BPIFB1: variants seen among roughly 807,000 people sequenced by gnomAD.
The protein encoded by BPIFB1 is BPI fold-containing family B member 1.
In BPIFB1, 34 loss-of-function variants were observed where a neutral mutation model predicts 55.1. The ratio of observed to expected loss-of-function variants is 0.62; its 90% CI spans 0.47 to 0.82. The LOEUF (loss-of-function observed/expected upper bound fraction) is 0.82, where lower values mean the gene tolerates loss of function less well. BPIFB1 is among the 40% of genes least tolerant of loss of function. The pLI is 0.00. For synonymous variants in BPIFB1, 236 were observed against 245.3 expected, an observed-to-expected ratio of 0.96 and a Z score of 0.35; for missense variants, 532 against 593.1, an observed-to-expected ratio of 0.90 and a Z score of 1.07.
intron 6 of BPIFB1, among the ~76,000 whole-genome samples, chr20:33,295,234 A>T (rs1425141515): frequency 2.0e-5 from 3 of 150,898 alleles, no homozygotes; most frequent in African/African-American, 7.3e-5. Context: ...AAAATTAAAA[A>T]TAAATAAATA....
At chr20:33,304,252 G>A (rs575539067) in intron 12 of BPIFB1, among the ~76,000 whole-genome samples, 13 of 152,260 alleles carry the variant, frequency 8.5e-5, no homozygotes, top group South Asian at 4.1e-4. Context: ...CCCTAGCCGC[G>A]GCCAGCCCAC....
rs773218594 is a variant in BPIFB1 at position 33,309,769 on chromosome 20, G to A, written c.*2G>A. On this transcript the variant is annotated 3_prime_UTR_variant, in exon 16 of 16. Coordinates refer to ENST00000253354, the MANE Select transcript of BPIFB1 (RefSeq NM_033197.3). The surrounding 1 kb of genome is among the most constrained non-coding windows in gnomAD (Gnocchi z 4.4). ...CCCAGCTCTCCTGTCTCCCAGTGAA[G>A]ACTTGGATGGCAGCCATCAGGGAAG... The A allele has an allele frequency of 1.2e-5, 19 of 1,613,728 alleles. No individual in the cohort carries two copies. The Admixed American group carries it at 3.0e-4, about 25-fold the overall frequency.
chr20:33,299,261 C>T (rs1243299308), intron 7 of BPIFB1: 1 of 441,482 alleles, frequency 2.3e-6, no homozygotes, highest in East Asian at 7.2e-5. Context: ...CCAGCACTCC[C>T]CATCCTCGGC....
intron 6 of BPIFB1, among the ~76,000 whole-genome samples, chr20:33,294,241 G>A (rs1980562509): frequency 6.6e-6 from 1 of 152,148 alleles, no homozygotes; most frequent in African/African-American, 2.4e-5. Context: ...AAGCAATACT[G>A]ATTCAGCCCA....
At chr20:33,302,682 G>A (rs760602918) in intron 10 of BPIFB1, 11 of 626,570 alleles carry the variant, frequency 1.8e-5, no homozygotes, top group South Asian at 4.0e-5. Flanking sequence ...AGTCTGGGAC[G>A]TCAGGGAGGC....
Position 33,289,956 on chromosome 20 carries a change from T to G in BPIFB1, c.329T>G (p.Val110Gly), listed in dbSNP as rs1370538676. Residue 110 changes from valine (V) to glycine (G), a missense_variant, in exon 4 of 16, where the codon GTC becomes GGC. Transcript: ENST00000253354. ...TCGGCCAATGACCAGGAGCTGCTAG[T>G]CAAGATCCCCCTGGACATGGTGGCT... ...KPSANDQELL[V>G]KIPLDMVAGF... The G allele has an allele frequency of 2.5e-6, 4 of 1,614,136 alleles. No individual in the cohort carries two copies. The highest frequency in any genetic ancestry group is 3.4e-6 in the Non-Finnish European group (4 of 1,180,018).
chr20:33,307,131 C>T, intron 15 of BPIFB1, 144 bp downstream of exon 15: 1 of 672,658 alleles, frequency 1.5e-6, no homozygotes, highest in Non-Finnish European at 2.6e-6. Flanking sequence ...CTCACCTCCT[C>T]ATCTGCAAGT....
intron 2 of BPIFB1, among the ~76,000 whole-genome samples, chr20:33,288,089 C>T (rs1980330541): frequency 6.6e-6 from 1 of 152,134 alleles, no homozygotes; most frequent in African/African-American, 2.4e-5. Context: ...GGTGAGGGAG[C>T]TGGGATATTG....
At chr20:33,304,492 A>G (rs1357995806) in intron 12 of BPIFB1, among the ~76,000 whole-genome samples, 1 of 152,212 alleles carries the variant, frequency 6.6e-6, no homozygotes, top group East Asian at 1.9e-4. Context: ...GCACATATCA[A>G]ATCAGACTAT....
chr20:33,302,173 G>A (rs1176302175), intron 9 of BPIFB1, among the ~76,000 whole-genome samples, 186 bp from the exon 10 acceptor site: 2 of 152,116 alleles, frequency 1.3e-5, no homozygotes, highest in East Asian at 3.9e-4. Flanking sequence ...AGGCCAGCAG[G>A]ACCCCATGCC....
In BPIFB1 at chr20:33,301,377, T is replaced by C. The variant is rs6120221; in HGVS notation, c.892T>C (p.Ser298Pro). The C allele has an allele frequency of 0.023, 37,304 of 1,613,956 alleles. 6,566 individuals carry two copies. In the African/African-American group the frequency reaches 0.41, roughly 18 times the overall value. ...GAAAGCTGCAGTGGCTGCTGTGCTCTCTCCAGAAGAATTCATGGTCCTGTT... is the reference window on the plus strand; with the variant it reads ...GAAAGCTGCAGTGGCTGCTGTGCTCCCTCCAGAAGAATTCATGGTCCTGTT... ...VVKAAVAAVL[S>P]PEEFMVLLDS... is the part of the protein sequence containing the mutation. The change falls in exon 9 of 16, where the codon TCT becomes CCT. Residue 298 changes from serine (S) to proline (P), a missense_variant. Physicochemically the swap from Ser to Pro is moderately conservative, Grantham distance 74. Transcript: ENST00000253354.
At chr20:33,288,131 G>A (rs964729146) in intron 2 of BPIFB1, among the ~76,000 whole-genome samples, 1 of 152,274 alleles carries the variant, frequency 6.6e-6, no homozygotes, top group East Asian at 1.9e-4. Flanking sequence ...ACTGGCTGAA[G>A]TCTGCTCCTG....
At chr20:33,307,100 A>G in intron 15 of BPIFB1, 113 bp downstream of exon 15, 1 of 934,996 alleles carries the variant, frequency 1.1e-6, no homozygotes, top group Non-Finnish European at 1.7e-6. Context: ...ACCCTGGGCA[A>G]GTCCCTTCCC....
intron 3 of BPIFB1, among the ~76,000 whole-genome samples, chr20:33,289,425 T>C (rs1249127379): frequency 1.3e-5 from 2 of 149,708 alleles, no homozygotes; most frequent in African/African-American, 4.9e-5. Context: ...AGAGCAAGGT[T>C]GTCTGGGGTG....
intron 15 of BPIFB1, among the ~76,000 whole-genome samples, chr20:33,308,897 C>T (rs1412794380): frequency 4.0e-5 from 6 of 151,032 alleles, no homozygotes; most frequent in Non-Finnish European, 5.9e-5. Context: ...TACACACATA[C>T]ATACACACAC....
At chr20:33,285,436 G>GGGCGCGGT (rs1396836236) in intron 1 of BPIFB1, among the ~76,000 whole-genome samples, 1 of 151,640 alleles carries the variant, frequency 6.6e-6, no homozygotes, top group Non-Finnish European at 1.5e-5. Context: ...AATACAGGCT[G>GGGCGCGGT]GGCGCGGTGG....
chr20:33,301,347 G>A lies in BPIFB1; in HGVS notation c.862G>A (p.Val288Met), dbSNP rs570505589. 6.4e-5 allele frequency: 103 copies of A among 1,614,228 alleles called. No individual in the cohort carries two copies. The highest frequency in any genetic ancestry group is 6.0e-4 in the South Asian group (55 of 91,090). Residue 288 changes from valine to methionine, a missense_variant, in exon 9 of 16, where the codon GTG becomes ATG. By Grantham distance (21) the Val-to-Met change is conservative. Coordinates refer to ENST00000253354, the MANE Select transcript of BPIFB1 (RefSeq NM_033197.3). The part of the protein sequence containing the change: ...IPFSLIVSQD[V>M]VKAAVAAVLS... ...GTTCAGCCTCATCGTGAGTCAGGAC[G>A]TGGTGAAAGCTGCAGTGGCTGCTGT...
chr20:33,288,672 C>T, intron 2 of BPIFB1, 69 bp from the exon 3 acceptor site: 1 of 1,569,252 alleles, frequency 6.4e-7, no homozygotes, highest in Non-Finnish European at 8.7e-7. Flanking sequence ...CCTCCCCAGC[C>T]TGGAGCTCCC....
At chr20:33,308,573 C>G (rs1371520910) in intron 15 of BPIFB1, among the ~76,000 whole-genome samples, 1 of 127,654 alleles carries the variant, frequency 7.8e-6, no homozygotes, top group Non-Finnish European at 1.7e-5. Context: ...CACATACATA[C>G]ACACGCACAT....
Sources: gnomAD v4.1 joint callset for allele counts (sites outside exome capture counted in the v4.1 genomes callset) on GRCh38, gnomAD v4.1.1 for gene constraint, Gnocchi (gnomAD v3.1) non-coding constraint, MANE v1.5 for transcripts, NCBI Gene and HGNC (gene_info 2026-07-23, HGNC 2026-07-21) for gene names.